The following KIAA0319 variants were observed in gnomAD, a reference collection of about 807,000 sequenced individuals.
The protein encoded by KIAA0319 is dyslexia-associated protein KIAA0319.
In KIAA0319, 83 loss-of-function variants were observed where a neutral mutation model predicts 108.4. That is an observed-to-expected ratio of 0.77 (90% confidence interval 0.64 to 0.92). The LOEUF (loss-of-function observed/expected upper bound fraction) is 0.92. Among genes scored for constraint, KIAA0319 ranks in the 40% least tolerant of loss-of-function variants. The probability of loss-of-function intolerance (pLI) is 0.00; values close to 1 mark genes in which losing one functional copy is unlikely to be tolerated. For missense variants in KIAA0319, 1,195 were observed against 1,322.4 expected (o/e 0.90, Z 1.49); for synonymous variants, 484 against 510.4 (o/e 0.95, Z 0.70).
At chr6:24,578,317 C>CA in intron 8 of KIAA0319, 75 bp from the exon 9 acceptor site, 3 of 1,070,906 alleles carry the variant, frequency 2.8e-6, no homozygotes, top group Non-Finnish European at 4.0e-6. Flanking sequence ...TTAATTATTG[C>CA]ATATTTAAAT....
At chr6:24,567,606 TGA>T (rs1386834361) in intron 13 of KIAA0319, among the ~76,000 whole-genome samples, 1 of 151,978 alleles carries the variant, frequency 6.6e-6, no homozygotes, top group Non-Finnish European at 1.5e-5. Flanking sequence ...GAAGCTGAGG[TGA>T]GAGAATCACT....
chr6:24,637,468 T>G (rs1776346946), intron 1 of KIAA0319, among the ~76,000 whole-genome samples: 1 of 152,198 alleles, frequency 6.6e-6, no homozygotes, highest in Non-Finnish European at 1.5e-5. Context: ...TAAGTAATCT[T>G]TAAAGGGCAC....
rs1760529784 is a variant in KIAA0319, at chr6:24,545,589, CAGAAAG to C, written c.*1570_*1575del. 6.6e-6 allele frequency: 1 copy of C among 152,000 alleles called. No homozygotes were observed. Among genetic ancestry groups the C allele is most frequent in the African/African-American group, 2.4e-5 (1 of 41,374 alleles). 9.4% of individuals were successfully genotyped at this position (152,000 alleles called of 1,614,324 possible). On this transcript the variant is annotated 3_prime_UTR_variant, in exon 21 of 21. Coordinates refer to ENST00000378214, the MANE Select transcript of KIAA0319 (RefSeq NM_014809.4). Reference sequence around the variant, plus strand: ...GACAGTATTGAATTGGCTAGTTATACAGAAAGTGTAGGCATAAGCAAAGCAATTATT... The same window carrying C: ...GACAGTATTGAATTGGCTAGTTATACTGTAGGCATAAGCAAAGCAATTATT...
Position 24,545,540 on chromosome 6 carries a change from T to C in KIAA0319, c.*1625A>G, listed in dbSNP as rs1031503307. The C allele has an allele frequency of 6.6e-6, 1 of 151,804 alleles. No homozygotes were observed. The highest frequency in any genetic ancestry group is 2.4e-5 in the African/African-American group (1 of 41,250). 9.4% of individuals were successfully genotyped at this position (151,804 alleles called of 1,614,324 possible). A position where few individuals can be genotyped will look rare whatever the true frequency, so the allele number is the denominator to read the frequency against. On this transcript the variant is annotated 3_prime_UTR_variant, in exon 21 of 21. Coordinates refer to ENST00000378214, the MANE Select transcript of KIAA0319 (RefSeq NM_014809.4). ...GCTCAATACTGGTTAAAAAAAAAAA[T>C]CACATTTTCCTTCTAACACTATAGA...
At chr6:24,554,947 A>C (rs1052945912) in intron 18 of KIAA0319, among the ~76,000 whole-genome samples, 3 of 152,208 alleles carry the variant, frequency 2.0e-5, no homozygotes, top group African/African-American at 7.2e-5. Flanking sequence ...ATATAAACAC[A>C]CATGTATACC....
In KIAA0319 at chr6:24,558,861, T is replaced by C. The variant is rs191529901; in HGVS notation, c.2734+152A>G. ...AGACCAAGAGTAGTTGGCAAATGCA[T>C]GCTGCAGGAAACTCTATTGGAGAAA... On this transcript the variant is annotated intron_variant, in intron 17 of 20. Coordinates refer to ENST00000378214, the MANE Select transcript of KIAA0319 (RefSeq NM_014809.4). The C allele has an allele frequency of 1.4e-4, 106 of 738,714 alleles. No homozygotes were observed. In the African/African-American group the frequency reaches 1.7e-3, roughly 12 times the overall value. 45.8% of individuals were successfully genotyped at this position (738,714 alleles called of 1,614,324 possible).
At chr6:24,611,625 A>G (rs995355133) in intron 1 of KIAA0319, among the ~76,000 whole-genome samples, 11 of 152,272 alleles carry the variant, frequency 7.2e-5, no homozygotes, top group Non-Finnish European at 1.6e-4. Flanking sequence ...AAATATTTGC[A>G]ACTCACATTG....
At chr6:24,558,524 A>C (rs1762641206) in intron 17 of KIAA0319, among the ~76,000 whole-genome samples, 1 of 152,216 alleles carries the variant, frequency 6.6e-6, no homozygotes, top group Non-Finnish European at 1.5e-5. Flanking sequence ...GTTACTCATG[A>C]AATAAAGATA....
At position 24,609,554 on chromosome 6, in the gene KIAA0319, C is replaced by T. The variant is rs1053689772; in HGVS notation, c.-105-8346G>A. On this transcript the variant is annotated intron_variant, in intron 1 of 20. Coordinates refer to ENST00000378214, the MANE Select transcript of KIAA0319 (RefSeq NM_014809.4). ...TCACGCCACTGCACTCCAGCCTGGG[C>T]AACCAGAGCGAGATTCTGTCTCAAA... Among the ~76,000 whole-genome samples the T allele has an allele frequency of 2.0e-5, 3 of 152,118 alleles. No homozygotes were observed. In the East Asian group the frequency reaches 5.8e-4, roughly 29 times the overall value.
chr6:24,596,290 C>G lies in KIAA0319; in HGVS notation c.384G>C (p.Gly128=), dbSNP rs981272712. ...DMMLNRGSPS[G]IWGDSPEDIR... is the part of the protein sequence containing the mutation. ...TATCCTCAGGTGAGTCCCCCCAGAT[C>G]CCCGAGGGGGAGCCCCTGTTCAGCA... The change falls in exon 3 of 21, where the codon GGG becomes GGC. Residue 128 remains glycine, a synonymous_variant. Coordinates refer to ENST00000378214, the MANE Select transcript of KIAA0319 (RefSeq NM_014809.4). 5 of 1,614,014 alleles carry G rather than the reference C, an allele frequency of 3.1e-6. No individual in the cohort carries two copies. The highest frequency in any genetic ancestry group is 1.3e-5 in the African/African-American group (1 of 74,944).
rs377403474 is a variant in KIAA0319 at position 24,606,016 on chromosome 6, C to T, written c.-105-4808G>A. 4.4e-4 allele frequency among the ~76,000 whole-genome samples: 67 copies of T among 152,066 alleles called. 1 individual carries two copies. In the South Asian group the frequency reaches 0.012, roughly 28 times the overall value. Reference sequence around the variant, plus strand: ...GTGGTGCAATCTCGGCTCACTGCAACCTCCGCCTCCCGGGGTTCAAGCGAT... The same window carrying T: ...GTGGTGCAATCTCGGCTCACTGCAATCTCCGCCTCCCGGGGTTCAAGCGAT... On this transcript the variant is annotated intron_variant, in intron 1 of 20. Coordinates refer to ENST00000378214, the MANE Select transcript of KIAA0319 (RefSeq NM_014809.4).
chr6:24,606,832 T>A (rs1006813628), intron 1 of KIAA0319, among the ~76,000 whole-genome samples: 2 of 152,170 alleles, frequency 1.3e-5, no homozygotes, highest in African/African-American at 4.8e-5. Flanking sequence ...GTCCTCCTCA[T>A]CTTTTCTTCT....
At chr6:24,548,401 G>A (rs1254911700) in intron 20 of KIAA0319, among the ~76,000 whole-genome samples, 1 of 152,188 alleles carries the variant, frequency 6.6e-6, no homozygotes, top group Admixed American at 6.5e-5. Context: ...AAGAGGCCAG[G>A]CTCCTCCCCA....
chr6:24,582,680 A>G (rs900997675), intron 5 of KIAA0319, among the ~76,000 whole-genome samples: 7 of 150,040 alleles, frequency 4.7e-5, no homozygotes, highest in Admixed American at 1.3e-4. Flanking sequence ...AAACCTCCCT[A>G]ACTTAACCAT....
At chr6:24,596,641 T>A in intron 2 of KIAA0319, 23 bp from the exon 3 acceptor site, 1 of 1,570,162 alleles carries the variant, frequency 6.4e-7, no homozygotes, top group African/African-American at 1.3e-5. Context: ...TAGTTTCTAA[T>A]GAGGGAGAGA....
intron 1 of KIAA0319, among the ~76,000 whole-genome samples, chr6:24,612,219 AGGC>A (rs1772435025): frequency 6.6e-6 from 1 of 152,214 alleles, no homozygotes; most frequent in Non-Finnish European, 1.5e-5. Flanking sequence ...TCAGAGGCCC[AGGC>A]GGGAGGATCA....
intron 1 of KIAA0319, among the ~76,000 whole-genome samples, chr6:24,625,752 T>C (rs1447350901): frequency 1.3e-5 from 2 of 152,240 alleles, no homozygotes; most frequent in African/African-American, 4.8e-5. Context: ...CAATTGTATT[T>C]CTACACATTA....
At chr6:24,553,326 C>T (rs1394180328) in intron 19 of KIAA0319, among the ~76,000 whole-genome samples, 1 of 116,446 alleles carries the variant, frequency 8.6e-6, no homozygotes, top group Non-Finnish European at 1.8e-5. Flanking sequence ...CACACACACA[C>T]ACACACACAC....
intron 5 of KIAA0319, chr6:24,582,996 G>T: frequency 2.3e-6 from 2 of 856,982 alleles, no homozygotes; most frequent in Non-Finnish European, 2.8e-6. Context: ...ATGTGGTGGA[G>T]AAAAAAATGA....
Sources: gnomAD v4.1 joint callset for allele counts (sites outside exome capture counted in the v4.1 genomes callset) on GRCh38, gnomAD v4.1.1 for gene constraint, MANE v1.5 for transcripts, NCBI Gene and HGNC (gene_info 2026-07-23, HGNC 2026-07-21) for gene names.